The following ADGRL4 variants were observed in gnomAD, a reference collection of about 807,000 sequenced individuals.
ADGRL4 encodes the protein adhesion G protein-coupled receptor L4.
In ADGRL4, 90 loss-of-function variants were observed where a neutral mutation model predicts 74.8. That is an observed-to-expected ratio of 1.20 (90% CI 1.02 to 1.43). The LOEUF is 1.43. ADGRL4 is among the 40% of genes most tolerant of loss of function. The pLI, the probability that ADGRL4 is intolerant of heterozygous loss-of-function variation, is 0.00. For missense variants in ADGRL4, 881 were observed against 814.3 expected (o/e 1.08, Z -1.00); for synonymous variants, 311 against 279.2 (o/e 1.11, Z -1.14).
chr1:78,901,476 G>A (rs1340449265), intron 12 of ADGRL4, among the ~76,000 whole-genome samples: 2 of 152,124 alleles, frequency 1.3e-5, no homozygotes, highest in East Asian at 1.9e-4. Flanking sequence ...GGCACATAAA[G>A]GATTGAACCC....
chr1:78,941,798 C>T (rs1405340661), intron 3 of ADGRL4, among the ~76,000 whole-genome samples: 2 of 152,186 alleles, frequency 1.3e-5, no homozygotes, highest in South Asian at 2.1e-4. Flanking sequence ...CTACGGTTTC[C>T]TCTTTCCTGC....
Position 78,890,932 on chromosome 1 carries a change from G to T in ADGRL4, c.*222C>A. 1 of 526,398 alleles carries T rather than the reference G, an allele frequency of 1.9e-6. No homozygotes were observed. Among genetic ancestry groups the T allele is most frequent in the Non-Finnish European group, 3.4e-6 (1 of 290,976 alleles). 32.6% of individuals were successfully genotyped at this position (526,398 alleles called of 1,614,324 possible). A position where few individuals can be genotyped will look rare whatever the true frequency, so the allele number is the denominator to read the frequency against. On this transcript the variant is annotated 3_prime_UTR_variant, in exon 15 of 15. Coordinates refer to ENST00000370742, the MANE Select transcript of ADGRL4 (RefSeq NM_022159.4). ...TCCAAATATCTGCAATACTATTTTT[G>T]ACAGAACTATTTCACATAGAAAAAC...
rs374267308 is a variant in ADGRL4 at position 78,913,841 on chromosome 1, A to T, written c.1749+3793T>A. 5.9e-5 allele frequency among the ~76,000 whole-genome samples: 9 copies of T among 152,054 alleles called. No individual in the cohort carries two copies. In the South Asian group the frequency reaches 1.9e-3, roughly 31 times the overall value. ...AATAAAACCTCTTATTTTTGTTCTG[A>T]ATACTAAGCATCCTAGTGAGGGATA... On this transcript the variant is annotated intron_variant, in intron 12 of 14. Coordinates refer to ENST00000370742, the MANE Select transcript of ADGRL4 (RefSeq NM_022159.4).
intron 12 of ADGRL4, among the ~76,000 whole-genome samples, chr1:78,896,410 T>A (rs1648400693): frequency 6.6e-6 from 1 of 152,004 alleles, no homozygotes; most frequent in Admixed American, 6.6e-5. Flanking sequence ...GCATTGTGAG[T>A]TAAAGAAAAG....
chr1:78,965,991 CAA>C (rs201414584), intron 2 of ADGRL4, among the ~76,000 whole-genome samples: 2,232 of 107,932 alleles, frequency 0.021, 53 homozygotes, highest in African/African-American at 0.071. Context: ...AGGACAGAAC[CAA>C]AAAAAAAAAA....
chr1:78,951,478 T>C (rs1290621249), intron 2 of ADGRL4, among the ~76,000 whole-genome samples: 2 of 152,200 alleles, frequency 1.3e-5, no homozygotes, highest in Admixed American at 1.3e-4. Context: ...CTACGATATA[T>C]TTTCAAAATA....
At chr1:78,920,152 G>C (rs768634985) in intron 10 of ADGRL4, 31 bp downstream of exon 10, 2 of 1,533,612 alleles carry the variant, frequency 1.3e-6, no homozygotes, top group Non-Finnish European at 8.9e-7. Flanking sequence ...CATATCATAG[G>C]ACAAAAATAG....
At chr1:78,930,614 C>A (rs979489142) in intron 7 of ADGRL4, among the ~76,000 whole-genome samples, 1 of 150,878 alleles carries the variant, frequency 6.6e-6, no homozygotes, top group Non-Finnish European at 1.5e-5. Context: ...TCACACCTGG[C>A]TAATTTTTGT....
At chr1:78,948,752 A>C (rs2100697487) in intron 2 of ADGRL4, among the ~76,000 whole-genome samples, 1 of 152,256 alleles carries the variant, frequency 6.6e-6, no homozygotes, top group East Asian at 1.9e-4. Context: ...AAATTAACTG[A>C]GAGTGGTTCA....
intron 2 of ADGRL4, among the ~76,000 whole-genome samples, chr1:78,983,049 T>A (rs963479501): frequency 1.3e-5 from 2 of 151,788 alleles, no homozygotes; most frequent in African/African-American, 4.8e-5. Flanking sequence ...GACATGCCTA[T>A]GATCATAGAA....
intron 12 of ADGRL4, among the ~76,000 whole-genome samples, chr1:78,908,536 T>C (rs944902406): frequency 3.9e-5 from 6 of 152,004 alleles, no homozygotes; most frequent in Non-Finnish European, 8.8e-5. Flanking sequence ...CTGTTACTAT[T>C]TTTATTTGCA....
chr1:78,964,120 A>T (rs887900415), intron 2 of ADGRL4, among the ~76,000 whole-genome samples: 5 of 152,194 alleles, frequency 3.3e-5, no homozygotes, highest in Non-Finnish European at 5.9e-5. Flanking sequence ...CCAATCTGGG[A>T]TGGTAAAATT....
intron 3 of ADGRL4, among the ~76,000 whole-genome samples, chr1:78,945,175 A>AT (rs1553136478): frequency 4.0e-4 from 44 of 109,002 alleles, no homozygotes; most frequent in African/African-American, 1.3e-3. Context: ...AAAAAAAAAA[A>AT]AAATATATAT....
intron 2 of ADGRL4, among the ~76,000 whole-genome samples, chr1:78,990,445 A>C (rs1329616903): frequency 6.6e-6 from 1 of 151,970 alleles, no homozygotes; most frequent in East Asian, 1.9e-4. Context: ...TGGCTTTCTT[A>C]ACACAATAAT....
intron 12 of ADGRL4, among the ~76,000 whole-genome samples, chr1:78,908,857 A>T (rs887559589): frequency 6.6e-6 from 1 of 152,106 alleles, no homozygotes; most frequent in Non-Finnish European, 1.5e-5. Flanking sequence ...GACATTTTCT[A>T]CTATGTGTCT....
intron 12 of ADGRL4, among the ~76,000 whole-genome samples, chr1:78,915,973 G>A (rs1438816955): frequency 6.6e-6 from 1 of 151,728 alleles, no homozygotes; most frequent in Non-Finnish European, 1.5e-5. Context: ...TTTTTAAGTA[G>A]ACTGACCCCC....
intron 2 of ADGRL4, among the ~76,000 whole-genome samples, chr1:78,958,194 C>T (rs765930343): frequency 2.0e-5 from 3 of 152,094 alleles, no homozygotes. Flanking sequence ...GGAGATGTCC[C>T]AGAAAATGAA....
intron 12 of ADGRL4, among the ~76,000 whole-genome samples, chr1:78,915,741 C>T (rs1648857114): frequency 6.6e-6 from 1 of 151,778 alleles, no homozygotes; most frequent in African/African-American, 2.4e-5. Flanking sequence ...TTTGAACTAG[C>T]TACTATTCTT....
intron 2 of ADGRL4, among the ~76,000 whole-genome samples, chr1:78,953,120 T>C (rs1270470636): frequency 6.6e-6 from 1 of 152,196 alleles, no homozygotes; most frequent in Non-Finnish European, 1.5e-5. Context: ...GAAACAATCT[T>C]ATGTTTGTAC....
Sources: allele counts gnomAD v4.1 joint callset (sites outside exome capture counted in the v4.1 genomes callset), GRCh38; gene constraint gnomAD v4.1.1; transcripts MANE v1.5; gene names NCBI Gene and HGNC (gene_info 2026-07-23, HGNC 2026-07-21).